CASK: variants seen among roughly 807,000 people sequenced by gnomAD.
CASK encodes peripheral plasma membrane protein CASK.
A neutral mutation model predicts 82.9 loss-of-function variants in CASK; 4 were observed. The ratio of observed to expected loss-of-function variants is 0.05; its 90% CI spans 0.02 to 0.11. The LOEUF (loss-of-function observed/expected upper bound fraction) is 0.11, where lower values mean the gene tolerates loss of function less well. Among genes scored for constraint, CASK ranks in the 10% least tolerant of loss-of-function variants. The pLI, the probability that CASK is intolerant of heterozygous loss-of-function variation, is 1.00. For synonymous variants in CASK, 259 were observed against 253.5 expected, an observed-to-expected ratio of 1.02 and a Z score of -0.20; for missense variants, 358 against 720.9, an observed-to-expected ratio of 0.50 and a Z score of 5.76.
At chrX:41,801,144 C>T (rs911519519) in intron 2 of CASK, among the ~76,000 whole-genome samples, 1 of 111,689 alleles carries the variant, frequency 9.0e-6, no homozygotes, top group African/African-American at 3.3e-5. Context: ...TAGAAACTGC[C>T]TTTGAGGGAG....
rs377163161 is a variant in CASK, at chrX:41,587,007, T to C, written c.1234-20A>G. On this transcript the variant is annotated intron_variant, in intron 13 of 26. Coordinates refer to ENST00000378163, the MANE Select transcript of CASK (RefSeq NM_001367721.1). ...CAATACCTAAAAAATAAACAAGATA[T>C]ACAATAATACAAACATGACACAAGA... 15 of 853,325 alleles carry C rather than the reference T, an allele frequency of 1.8e-5. No homozygotes were observed. The highest frequency in any genetic ancestry group is 2.3e-5 in the Non-Finnish European group (13 of 576,952). The allele number at this position is 853,325 out of a possible 1,213,427, so 70.3% of individuals were successfully genotyped here.
intron 2 of CASK, among the ~76,000 whole-genome samples, chrX:41,838,820 A>AT (rs1569464940): frequency 9.0e-6 from 1 of 111,610 alleles, no homozygotes; most frequent in African/African-American, 3.3e-5. Context: ...TTTTGAGTTA[A>AT]TTTTTTATAG....
intron 8 of CASK, among the ~76,000 whole-genome samples, chrX:41,651,472 G>A (rs1490076128): frequency 8.9e-6 from 1 of 112,077 alleles, no homozygotes; most frequent in Admixed American, 9.4e-5. Context: ...TCAGAGAGGT[G>A]AATGCATATT....
At chrX:41,860,777 A>G (rs1188407117) in intron 1 of CASK, among the ~76,000 whole-genome samples, 1 of 112,395 alleles carries the variant, frequency 8.9e-6, no homozygotes, top group Non-Finnish European at 1.9e-5. Context: ...AAGTTTTCCT[A>G]CTCATTGCTA....
chrX:41,854,224 G>GCGCACACACACACA (rs1367817089), intron 1 of CASK, among the ~76,000 whole-genome samples: 21 of 81,728 alleles, frequency 2.6e-4, no homozygotes, highest in East Asian at 1.2e-3. Context: ...GCGGGCGCGC[G>GCGCACACACACACA]CACACACACA....
intron 1 of CASK, among the ~76,000 whole-genome samples, chrX:41,863,963 T>G (rs949050015): frequency 5.4e-5 from 6 of 111,838 alleles, no homozygotes; most frequent in Non-Finnish European, 9.4e-5. Context: ...TACATTATCC[T>G]ATAATAGTAT....
intron 1 of CASK, among the ~76,000 whole-genome samples, chrX:41,863,693 A>G (rs1303383653): frequency 8.9e-6 from 1 of 112,113 alleles, no homozygotes; most frequent in African/African-American, 3.2e-5. Flanking sequence ...TTTAGTAGAG[A>G]AACAACTTTT....
intron 1 of CASK, among the ~76,000 whole-genome samples, chrX:41,906,742 T>C (rs1216905880): frequency 1.8e-5 from 2 of 112,715 alleles, no homozygotes; most frequent in Non-Finnish European, 3.7e-5. Flanking sequence ...CTATTTCAGG[T>C]AGATAAAACA....
chrX:41,529,230 G>A (rs901843517), intron 25 of CASK, among the ~76,000 whole-genome samples: 60 of 111,652 alleles, frequency 5.4e-4, no homozygotes, highest in African/African-American at 1.9e-3. Flanking sequence ...CCGGGGTGAG[G>A]AGGTGCTTTG....
chrX:41,818,448 C>T (rs1389617876), intron 2 of CASK, among the ~76,000 whole-genome samples: 1 of 107,935 alleles, frequency 9.3e-6, no homozygotes, highest in Non-Finnish European at 1.9e-5. Flanking sequence ...ACAAAACATA[C>T]AAAAATTGGC....
At chrX:41,821,518 A>T (rs1461360210) in intron 2 of CASK, among the ~76,000 whole-genome samples, 17 of 112,201 alleles carry the variant, frequency 1.5e-4, no homozygotes, top group Admixed American at 1.5e-3. Flanking sequence ...GCAGTTTCTT[A>T]ATGACCTAGC....
intron 1 of CASK, among the ~76,000 whole-genome samples, chrX:41,859,090 CACATCATGTCTCAGGAA>C (rs1394633074): frequency 9.0e-6 from 1 of 111,587 alleles, no homozygotes; most frequent in Non-Finnish European, 1.9e-5. Flanking sequence ...TAAACAAAAA[CACATCATGTCTCAGGAA>C]ACCTTTAATA....
At chrX:41,847,174 A>G (rs2071171320) in intron 2 of CASK, among the ~76,000 whole-genome samples, 1 of 111,752 alleles carries the variant, frequency 8.9e-6, no homozygotes. Flanking sequence ...GTTTTGGACT[A>G]TTATTTCTTC....
intron 8 of CASK, 150 bp from the exon 9 acceptor site, chrX:41,636,811 A>G (rs2066562360): frequency 4.5e-6 from 2 of 444,996 alleles, no homozygotes; most frequent in Non-Finnish European, 7.8e-6. Flanking sequence ...CTGGTAAGCA[A>G]TCTGAAATGA....
intron 16 of CASK, among the ~76,000 whole-genome samples, chrX:41,563,718 AACTC>A (rs1291347669): frequency 8.9e-6 from 1 of 111,894 alleles, no homozygotes. Flanking sequence ...AATTTACCAA[AACTC>A]ACTCAAGAAA....
At position 41,601,457 on chromosome X, in the gene CASK, AT is replaced by A. The variant is rs1212012917; in HGVS notation, c.1155+8446del. Among the ~76,000 whole-genome samples the A allele has an allele frequency of 1.5e-4, 17 of 112,118 alleles. No homozygotes were observed. In the Admixed American group the frequency reaches 1.6e-3, roughly 11 times the overall value. On this transcript the variant is annotated intron_variant, in intron 12 of 26. Coordinates refer to ENST00000378163, the MANE Select transcript of CASK (RefSeq NM_001367721.1). ...ATAACATTTTCAAACAAAAAACACA[AT>A]TTGGACTTCTTCCATAAGGCACAAC... is the stretch of plus-strand genomic sequence containing the variant.
chrX:41,739,541 A>AG (rs1450175870), intron 4 of CASK, 85 bp from the exon 5 acceptor site: 1 of 598,530 alleles, frequency 1.7e-6, no homozygotes, highest in Non-Finnish European at 2.8e-6. Context: ...TATAACTCCC[A>AG]CTCTCATATT....
chrX:41,547,854 ACCTCAT>A (rs2065045194), intron 21 of CASK, among the ~76,000 whole-genome samples: 1 of 109,481 alleles, frequency 9.1e-6, no homozygotes, highest in Non-Finnish European at 1.9e-5. Flanking sequence ...CGATCTCCTG[ACCTCAT>A]GATCCGCCTG....
chrX:41,748,507 C>G, intron 3 of CASK: 1 of 205,009 alleles, frequency 4.9e-6, no homozygotes, highest in Non-Finnish European at 9.2e-6. Flanking sequence ...CCTATCCCAC[C>G]AGTTTGGATT....
Sources: allele counts gnomAD v4.1 joint callset (sites outside exome capture counted in the v4.1 genomes callset), GRCh38; gene constraint gnomAD v4.1.1; transcripts MANE v1.5; gene names NCBI Gene and HGNC (gene_info 2026-07-23, HGNC 2026-07-21).